Variants in DMD observed in about 807,000 individuals in gnomAD.
DMD encodes dystrophin, also known as mutant dystrophin.
DMD carries 63 observed loss-of-function variants against 330.1 expected under a neutral mutation model. The observed-to-expected ratio is 0.19, with a 90% CI of 0.16 to 0.24. The LOEUF (loss-of-function observed/expected upper bound fraction) is 0.24. Ranked by LOEUF, DMD falls within the 10% of genes least tolerant of loss-of-function variation. The pLI is 1.00. For missense variants in DMD, 3,344 were observed against 2,684.1 expected (o/e 1.25, Z -5.43); for synonymous variants, 1,223 against 959.8 (o/e 1.27, Z -5.07).
At position 31,169,421 on chromosome X, in the gene DMD, C is replaced by G. The variant is rs1176173418; in HGVS notation, c.10553+22G>C. On this transcript the variant is annotated intron_variant, in intron 74 of 78. Transcript: ENST00000357033. ...GTGTATGCACTCTGCATACCAATGACAAAGCTAGAAAGAAAACTCACCTGT... is the reference window on the plus strand; with the variant it reads ...GTGTATGCACTCTGCATACCAATGAGAAAGCTAGAAAGAAAACTCACCTGT... 3 of 1,185,146 alleles carry G rather than the reference C, an allele frequency of 2.5e-6. No homozygotes were observed. The South Asian group carries it at 5.4e-5, about 21-fold the overall frequency.
At chrX:32,643,180 T>A (rs947115902) in intron 11 of DMD, among the ~76,000 whole-genome samples, 1 of 111,245 alleles carries the variant, frequency 9.0e-6, no homozygotes, top group African/African-American at 3.3e-5. Context: ...TGGCTTGGAA[T>A]ACATATATAG....
At chrX:32,427,194 A>T (rs966874660) in intron 29 of DMD, among the ~76,000 whole-genome samples, 1 of 111,832 alleles carries the variant, frequency 8.9e-6, no homozygotes, top group South Asian at 3.7e-4. Flanking sequence ...AGTTCATTTT[A>T]AAAGTTTTGG....
chrX:32,911,772 A>G (rs1304739853), intron 2 of DMD, among the ~76,000 whole-genome samples: 1 of 111,918 alleles, frequency 8.9e-6, no homozygotes, highest in African/African-American at 3.2e-5. Context: ...TGGTGTAACC[A>G]ATTTTAAAAA....
chrX:33,304,967 C>T (rs1217206248), intron 1 of DMD, among the ~76,000 whole-genome samples: 143 of 107,231 alleles, frequency 1.3e-3, no homozygotes, highest in African/African-American at 4.3e-3. Flanking sequence ...ACACTGTTGG[C>T]GGGACTGTAA....
intron 42 of DMD, among the ~76,000 whole-genome samples, chrX:32,302,022 C>A (rs769183972): frequency 2.7e-5 from 3 of 110,868 alleles, no homozygotes; most frequent in African/African-American, 9.8e-5. Flanking sequence ...TTGTTTTATA[C>A]CTTAAATAAA....
intron 1 of DMD, among the ~76,000 whole-genome samples, chrX:33,219,672 T>C (rs1249626046): frequency 2.7e-5 from 3 of 111,162 alleles, no homozygotes; most frequent in Non-Finnish European, 5.7e-5. Flanking sequence ...ACTTTGTGGA[T>C]TGATTCCCAA....
chrX:31,837,123 T>C (rs2093216870), intron 48 of DMD, among the ~76,000 whole-genome samples: 1 of 112,542 alleles, frequency 8.9e-6, no homozygotes, highest in African/African-American at 3.2e-5. Context: ...ACATAATTTA[T>C]ATGAATAAAC....
chrX:33,336,504 AAG>A (rs1232126480), intron 1 of DMD, among the ~76,000 whole-genome samples: 1 of 94,444 alleles, frequency 1.1e-5, no homozygotes, highest in African/African-American at 4.8e-5. Flanking sequence ...TTATCACAAA[AAG>A]AGAAATAAGG....
chrX:31,727,651 C>A (rs1352267560), intron 52 of DMD, among the ~76,000 whole-genome samples: 1 of 112,096 alleles, frequency 8.9e-6, no homozygotes, highest in Non-Finnish European at 1.9e-5. Flanking sequence ...TTTTGGACTG[C>A]ACTAAAATAA....
chrX:31,255,060 C>A lies in DMD; in HGVS notation c.9286+5895G>T, dbSNP rs1159994558. ...ATGCTGTCAAAAAAAAAAAAAAAAA[C>A]CCCAATAAAAGTATCTCTAAGCAGC... On this transcript the variant is annotated intron_variant, in intron 63 of 78. Transcript: ENST00000357033. Among the ~76,000 whole-genome samples the A allele has an allele frequency of 1.6e-3, 162 of 101,061 alleles. 1 individual carries two copies. The highest frequency in any genetic ancestry group is 4.6e-3 in the African/African-American group (129 of 27,831). The allele number at this position is 101,061 out of a possible 115,157, so 87.8% of individuals were successfully genotyped here.
chrX:32,388,105 G>C (rs946701737), intron 32 of DMD, among the ~76,000 whole-genome samples: 2 of 111,265 alleles, frequency 1.8e-5, no homozygotes, highest in Admixed American at 1.9e-4. Flanking sequence ...GCTTCAATTG[G>C]TCCTGACATT....
chrX:31,126,929 C>A (rs2033794092), intron 77 of DMD, among the ~76,000 whole-genome samples: 1 of 110,784 alleles, frequency 9.0e-6, no homozygotes, highest in African/African-American at 3.3e-5. Flanking sequence ...TTTGTAAAAT[C>A]CATAGAGTTC....
chrX:31,604,464 A>G (rs1214884450), intron 55 of DMD, among the ~76,000 whole-genome samples: 2 of 111,661 alleles, frequency 1.8e-5, no homozygotes, highest in Non-Finnish European at 3.8e-5. Context: ...GCGCCAAAAG[A>G]TTAGCAGCTA....
At chrX:31,240,038 C>A (rs183746809) in intron 63 of DMD, among the ~76,000 whole-genome samples, 28 of 111,628 alleles carry the variant, frequency 2.5e-4, no homozygotes, top group Admixed American at 2.2e-3. Context: ...AAGCAGTTAG[C>A]ATTTATGAAG....
chrX:31,340,390 T>C (rs1174217233), intron 61 of DMD, among the ~76,000 whole-genome samples: 1 of 112,478 alleles, frequency 8.9e-6, no homozygotes. Flanking sequence ...ATGTTACCTT[T>C]ATTGTTTTTT....
intron 11 of DMD, among the ~76,000 whole-genome samples, chrX:32,631,359 C>T (rs1319685854): frequency 9.0e-6 from 1 of 111,257 alleles, no homozygotes; most frequent in Non-Finnish European, 1.9e-5. Context: ...ACTCAGGGCC[C>T]AAGGACTCTA....
intron 2 of DMD, among the ~76,000 whole-genome samples, chrX:33,008,819 A>ACGT (rs2093458670): frequency 2.5e-5 from 1 of 40,093 alleles, no homozygotes; most frequent in Non-Finnish European, 4.8e-5. Flanking sequence ...TATACACATA[A>ACGT]ATGTATACGT....
chrX:32,596,994 T>C (rs2055628985), intron 12 of DMD, among the ~76,000 whole-genome samples: 1 of 111,787 alleles, frequency 8.9e-6, no homozygotes, highest in African/African-American at 3.3e-5. Context: ...TTATATGATC[T>C]AGCACCTGAC....
intron 2 of DMD, among the ~76,000 whole-genome samples, chrX:32,868,410 G>A (rs1002692913): frequency 2.7e-5 from 3 of 111,303 alleles, no homozygotes; most frequent in East Asian, 2.9e-4. Flanking sequence ...GGGGAGGGGC[G>A]GCATCTAAGA....
Sources: gnomAD v4.1 joint callset for allele counts (sites outside exome capture counted in the v4.1 genomes callset) on GRCh38, gnomAD v4.1.1 for gene constraint, MANE v1.5 for transcripts, NCBI Gene and HGNC (gene_info 2026-07-23, HGNC 2026-07-21) for gene names.